CSMD1: variants seen among roughly 807,000 people sequenced by gnomAD.
CSMD1 encodes CUB and Sushi multiple domains 1.
CSMD1 carries 213 observed loss-of-function variants against 417.5 expected under a neutral mutation model. The observed-to-expected ratio is 0.51, with a 90% CI of 0.46 to 0.57. The LOEUF (loss-of-function observed/expected upper bound fraction) is 0.57. CSMD1 is among the 20% of genes least tolerant of loss of function. The pLI, the probability that CSMD1 is intolerant of heterozygous loss-of-function variation, is 0.00. For synonymous variants in CSMD1, 2,862 were observed against 1,736.8 expected, an observed-to-expected ratio of 1.65 and a Z score of -16.11; for missense variants, 6,923 against 4,529.7, an observed-to-expected ratio of 1.53 and a Z score of -15.17.
chr8:4,796,738 T>C (rs111583097), intron 1 of CSMD1, among the ~76,000 whole-genome samples: 2,934 of 152,266 alleles, frequency 0.019, 109 homozygotes, highest in African/African-American at 0.067. Context: ...TCCCTCCCAT[T>C]TTTTATTTCA....
intron 2 of CSMD1, among the ~76,000 whole-genome samples, chr8:4,481,640 C>G: frequency 6.6e-6 from 1 of 152,028 alleles, no homozygotes; most frequent in Non-Finnish European, 1.5e-5. Flanking sequence ...AATAAAAGCA[C>G]CAAGAGGTTA....
intron 1 of CSMD1, among the ~76,000 whole-genome samples, chr8:4,876,149 A>T (rs572015719): frequency 1.2e-3 from 183 of 152,202 alleles, no homozygotes; most frequent in Middle Eastern, 6.8e-3. Context: ...AATACAAATG[A>T]CTGCTTAGTC....
At chr8:3,739,383 A>C (rs1796682598) in intron 6 of CSMD1, among the ~76,000 whole-genome samples, 1 of 152,230 alleles carries the variant, frequency 6.6e-6, no homozygotes, top group South Asian at 2.1e-4. Flanking sequence ...CACGTTTACA[A>C]ATAGTTAGAA....
intron 5 of CSMD1, among the ~76,000 whole-genome samples, chr8:3,935,975 G>C (rs189472275): frequency 6.6e-6 from 1 of 152,134 alleles, no homozygotes; most frequent in Non-Finnish European, 1.5e-5. Flanking sequence ...TTGAAATATA[G>C]TAAAAGTGCT....
chr8:3,071,121 T>C (rs1434510278), intron 49 of CSMD1, among the ~76,000 whole-genome samples: 1 of 152,150 alleles, frequency 6.6e-6, no homozygotes, highest in African/African-American at 2.4e-5. Flanking sequence ...ATCATGAAGA[T>C]AGCACCAAGC....
At chr8:4,113,861 C>G (rs1009316656) in intron 3 of CSMD1, among the ~76,000 whole-genome samples, 4 of 152,188 alleles carry the variant, frequency 2.6e-5, no homozygotes, top group African/African-American at 7.2e-5. Context: ...TTTTCTTCAA[C>G]TCTATGAAGG....
intron 3 of CSMD1, among the ~76,000 whole-genome samples, chr8:4,056,166 C>G (rs1310595042): frequency 1.3e-5 from 2 of 149,266 alleles, no homozygotes; most frequent in Non-Finnish European, 3.0e-5. Flanking sequence ...ACTCCAACCT[C>G]TGCCTCTTGG....
chr8:2,992,799 C>T (rs1023310225), intron 54 of CSMD1, among the ~76,000 whole-genome samples: 4 of 151,840 alleles, frequency 2.6e-5, no homozygotes, highest in South Asian at 2.1e-4. Context: ...CTGGAAGTGC[C>T]GTGTCTTGGC....
intron 1 of CSMD1, among the ~76,000 whole-genome samples, chr8:4,718,365 A>G (rs982648542): frequency 2.6e-5 from 4 of 152,224 alleles, no homozygotes; most frequent in African/African-American, 9.6e-5. Flanking sequence ...TCACCTAAAT[A>G]TACATAAATT....
chr8:4,979,582 T>C (rs73497766), intron 1 of CSMD1, among the ~76,000 whole-genome samples: 28 of 152,304 alleles, frequency 1.8e-4, no homozygotes, highest in African/African-American at 6.7e-4. Context: ...TTTCCTTCAA[T>C]GTATTTAAAT....
chr8:4,211,078 A>G (rs1800280116), intron 3 of CSMD1, among the ~76,000 whole-genome samples: 1 of 152,218 alleles, frequency 6.6e-6, no homozygotes. Context: ...ATGTTCACAT[A>G]TCATTGTACA....
At chr8:4,658,111 C>A (rs572635476) in intron 1 of CSMD1, among the ~76,000 whole-genome samples, 2 of 151,760 alleles carry the variant, frequency 1.3e-5, no homozygotes, top group South Asian at 4.2e-4. Flanking sequence ...CATGGGGCAC[C>A]ATGAAACATA....
chr8:3,987,987 T>G (rs527507259), intron 5 of CSMD1, among the ~76,000 whole-genome samples: 4 of 152,316 alleles, frequency 2.6e-5, no homozygotes, highest in African/African-American at 9.6e-5. Flanking sequence ...TTTAACTCAA[T>G]TTTCTTGAAA....
intron 1 of CSMD1, among the ~76,000 whole-genome samples, chr8:4,979,205 G>C (rs1026946481): frequency 6.6e-6 from 1 of 152,170 alleles, no homozygotes; most frequent in Admixed American, 6.5e-5. Flanking sequence ...TCATAGAACT[G>C]AGAGTCTAAT....
At chr8:3,878,869 C>T (rs1268406776) in intron 5 of CSMD1, among the ~76,000 whole-genome samples, 8 of 152,162 alleles carry the variant, frequency 5.3e-5, no homozygotes, top group South Asian at 2.1e-4. Context: ...AATAAACTGA[C>T]TGAGCTTAAT....
chr8:4,613,285 T>G (rs900915070), intron 2 of CSMD1, among the ~76,000 whole-genome samples: 1 of 152,202 alleles, frequency 6.6e-6, no homozygotes, highest in Non-Finnish European at 1.5e-5. Context: ...ACGCCATCCA[T>G]GCTCCGAGTG....
chr8:4,745,084 G>A lies in CSMD1; in HGVS notation c.86-107526C>T, dbSNP rs147180300. ...TTTAGTTTTTGGTCAATAAAATCTC[G>A]AGAAATGCGTAAGAATGGCATGTCA... On this transcript the variant is annotated intron_variant, in intron 1 of 69. Coordinates refer to ENST00000635120, the MANE Select transcript of CSMD1 (RefSeq NM_033225.6). 1.6e-4 allele frequency among the ~76,000 whole-genome samples: 24 copies of A among 151,952 alleles called. No homozygotes were observed. The East Asian group carries it at 2.3e-3, about 15-fold the overall frequency.
intron 4 of CSMD1, among the ~76,000 whole-genome samples, chr8:4,008,552 G>C (rs138593746): frequency 7.8e-4 from 98 of 125,806 alleles, no homozygotes; most frequent in Admixed American, 1.3e-3. Context: ...ATACTTGATT[G>C]TTAAAGTTAG....
intron 3 of CSMD1, among the ~76,000 whole-genome samples, chr8:4,060,749 C>T (rs1243627231): frequency 1.3e-5 from 2 of 152,116 alleles, no homozygotes; most frequent in African/African-American, 2.4e-5. Flanking sequence ...CACAGCTATT[C>T]ATGTTATTCT....
Sources: gnomAD v4.1 joint callset for allele counts (sites outside exome capture counted in the v4.1 genomes callset) on GRCh38, gnomAD v4.1.1 for gene constraint, MANE v1.5 for transcripts, NCBI Gene and HGNC (gene_info 2026-07-23, HGNC 2026-07-21) for gene names.